The following COPZ1 variants were observed in gnomAD, a reference collection of about 807,000 sequenced individuals.
COPZ1 encodes coat protein complex I subunit zeta 1.
COPZ1 carries 4 observed loss-of-function variants against 31.7 expected under a neutral mutation model. That is an observed-to-expected ratio of 0.13 (90% CI 0.06 to 0.29). The LOEUF is 0.29. Ranked by LOEUF, COPZ1 falls within the 10% of genes least tolerant of loss-of-function variation. The probability of loss-of-function intolerance (pLI) is 1.00; values close to 1 mark genes in which losing one functional copy is unlikely to be tolerated. For synonymous variants in COPZ1, 74 were observed against 79.0 expected, an observed-to-expected ratio of 0.94 and a Z score of 0.33; for missense variants, 156 against 211.5, an observed-to-expected ratio of 0.74 and a Z score of 1.63.
At chr12:54,347,224 C>A (rs1396988445) in intron 5 of COPZ1, among the ~76,000 whole-genome samples, 3 of 152,192 alleles carry the variant, frequency 2.0e-5, no homozygotes, top group African/African-American at 7.2e-5. Flanking sequence ...GCCACATGCA[C>A]CAACCAACGG....
In COPZ1 at chr12:54,345,388, G is replaced by A. The variant is rs931704062; in HGVS notation, c.262-72G>A. 2.7e-5 allele frequency: 30 copies of A among 1,091,076 alleles called. No individual in the cohort carries two copies. The East Asian group carries it at 7.2e-4, about 26-fold the overall frequency. The allele number at this position is 1,091,076 out of a possible 1,614,324, so 67.6% of individuals were successfully genotyped here. Reference sequence around the variant, plus strand: ...TGTCTTTTGATGTTTAATGAATTAGGAGGTTTTGTTTTTAGGTAGCAGCTT... The same window carrying A: ...TGTCTTTTGATGTTTAATGAATTAGAAGGTTTTGTTTTTAGGTAGCAGCTT... On this transcript the variant is annotated intron_variant, in intron 4 of 8. Transcript: ENST00000262061.
At chr12:54,340,409 T>G in intron 1 of COPZ1, 138 bp from the exon 2 acceptor site, 3 of 1,392,176 alleles carry the variant, frequency 2.2e-6, no homozygotes. Flanking sequence ...AATATCAAAA[T>G]CTGACCAAGT....
chr12:54,340,484 G>C, intron 1 of COPZ1, 63 bp from the exon 2 acceptor site: 4 of 1,605,736 alleles, frequency 2.5e-6, no homozygotes, highest in Admixed American at 1.7e-5. Flanking sequence ...CTAGGGGAAG[G>C]TATCTGGTTT....
intron 1 of COPZ1, among the ~76,000 whole-genome samples, chr12:54,338,992 C>G (rs1226871765): frequency 6.6e-6 from 1 of 152,164 alleles, no homozygotes; most frequent in Non-Finnish European, 1.5e-5. Flanking sequence ...CCTCCTCACT[C>G]TTGGATATCT....
chr12:54,331,202 CAG>C (rs1424421163), intron 1 of COPZ1, among the ~76,000 whole-genome samples: 18 of 100,522 alleles, frequency 1.8e-4, no homozygotes, highest in Non-Finnish European at 2.9e-4. Context: ...TTTTTTGAGA[CAG>C]AGTCTTGCTC....
chr12:54,334,286 T>A (rs1158798622), intron 1 of COPZ1, among the ~76,000 whole-genome samples: 2 of 151,162 alleles, frequency 1.3e-5, no homozygotes, highest in African/African-American at 2.4e-5. Context: ...CCGGGCGTGG[T>A]GGGAAGCGCC....
intron 1 of COPZ1, among the ~76,000 whole-genome samples, chr12:54,333,808 T>A (rs1953803751): frequency 6.6e-6 from 1 of 152,218 alleles, no homozygotes; most frequent in Non-Finnish European, 1.5e-5. Flanking sequence ...CGTCAGTTCT[T>A]CCCGAGTCAT....
At position 54,351,464 on chromosome 12, in the gene COPZ1, A is replaced by G. The variant is rs939703145; in HGVS notation, c.*941A>G. On this transcript the variant is annotated 3_prime_UTR_variant, in exon 9 of 9. Coordinates refer to ENST00000262061, the MANE Select transcript of COPZ1 (RefSeq NM_016057.3). The stretch of plus-strand genomic sequence containing the variant: ...CTGCCGTGGGTCTGCAGTCGCTGCA[A>G]CCTACCCTCTCTCTGCCTCAGCCTT... 1.3e-5 allele frequency: 2 copies of G among 152,164 alleles called. No individual in the cohort carries two copies. The highest frequency in any genetic ancestry group is 2.4e-5 in the African/African-American group (1 of 41,388). 9.4% of individuals were successfully genotyped at this position (152,164 alleles called of 1,614,324 possible). A position where few individuals can be genotyped will look rare whatever the true frequency, so the allele number is the denominator to read the frequency against.
At chr12:54,341,966 T>G (rs911600472) in intron 2 of COPZ1, among the ~76,000 whole-genome samples, 3 of 152,202 alleles carry the variant, frequency 2.0e-5, no homozygotes, top group Admixed American at 1.3e-4. Flanking sequence ...GGCTTCTGCC[T>G]TCAGACAGTC....
At chr12:54,330,697 A>G (rs982883809) in intron 1 of COPZ1, among the ~76,000 whole-genome samples, 1 of 152,316 alleles carries the variant, frequency 6.6e-6, no homozygotes, top group African/African-American at 2.4e-5. Context: ...TTTTTTATCT[A>G]GATACTTGCT....
At chr12:54,334,717 C>G (rs1422868856) in intron 1 of COPZ1, among the ~76,000 whole-genome samples, 1 of 151,826 alleles carries the variant, frequency 6.6e-6, no homozygotes, top group East Asian at 1.9e-4. Context: ...ATTAGCTGGT[C>G]GTAGTGGTGG....
At chr12:54,348,141 C>T in intron 7 of COPZ1, 90 bp downstream of exon 7, 1 of 1,137,338 alleles carries the variant, frequency 8.8e-7, no homozygotes, top group Non-Finnish European at 1.3e-6. Flanking sequence ...GTAGTTGGGG[C>T]TCATAGGATA....
intron 1 of COPZ1, among the ~76,000 whole-genome samples, chr12:54,331,047 C>A (rs1289363365): frequency 6.6e-6 from 1 of 152,128 alleles, no homozygotes; most frequent in African/African-American, 2.4e-5. Context: ...CATTCCCTAG[C>A]CTGTGTCACC....
chr12:54,347,032 A>G (rs567816977), intron 5 of COPZ1, among the ~76,000 whole-genome samples: 5 of 152,184 alleles, frequency 3.3e-5, no homozygotes, highest in Non-Finnish European at 7.4e-5. Context: ...AGCAGCTCCC[A>G]AGTGAACCCA....
intron 1 of COPZ1, among the ~76,000 whole-genome samples, chr12:54,335,969 C>A (rs554205426): frequency 6.6e-6 from 1 of 152,090 alleles, no homozygotes; most frequent in Non-Finnish European, 1.5e-5. Flanking sequence ...TGAGCCACTG[C>A]GCCTGGCCTC....
intron 1 of COPZ1, chr12:54,337,208 A>C (rs577700021): frequency 1.9e-6 from 1 of 534,596 alleles, no homozygotes; most frequent in South Asian, 1.4e-5. Context: ...CTGCCTATAC[A>C]TCATTTCCAA....
chr12:54,325,743 T>G (rs1269843110), intron 1 of COPZ1: 1 of 152,846 alleles, frequency 6.5e-6, no homozygotes, highest in Non-Finnish European at 1.5e-5. Context: ...TTAGCATGGA[T>G]TGTGGAATAT....
At chr12:54,340,764 T>G in intron 2 of COPZ1, 149 bp downstream of exon 2, 1 of 863,786 alleles carries the variant, frequency 1.2e-6, no homozygotes, top group Non-Finnish European at 1.8e-6. Context: ...GGAGTTTCGC[T>G]CTTATCACCC....
intron 5 of COPZ1, among the ~76,000 whole-genome samples, chr12:54,347,255 G>A (rs1412167050): frequency 5.3e-5 from 8 of 152,250 alleles, no homozygotes; most frequent in African/African-American, 1.7e-4. Context: ...GGTGTATGCA[G>A]ACCCTGCCCC....
Sources: allele counts gnomAD v4.1 joint callset (sites outside exome capture counted in the v4.1 genomes callset), GRCh38; gene constraint gnomAD v4.1.1; transcripts MANE v1.5; gene names NCBI Gene and HGNC (gene_info 2026-07-23, HGNC 2026-07-21).